The following CISD1 variants were observed in gnomAD, a reference collection of about 807,000 sequenced individuals.
The protein encoded by CISD1 is CDGSH iron sulfur domain 1.
A neutral mutation model predicts 12.0 loss-of-function variants in CISD1; 8 were observed. That is an observed-to-expected ratio of 0.67 (90% confidence interval 0.39 to 1.20). The LOEUF is 1.20. Ranked by LOEUF, CISD1 falls within the 50% of genes most tolerant of loss-of-function variation. The pLI, the probability that CISD1 is intolerant of heterozygous loss-of-function variation, is 0.01. For synonymous variants in CISD1, 38 were observed against 42.2 expected (o/e 0.90, Z 0.39); for missense variants, 107 against 132.7 (o/e 0.81, Z 0.95).
At chr10:58,271,753 G>A (rs1839252108) in intron 1 of CISD1, among the ~76,000 whole-genome samples, 1 of 131,532 alleles carries the variant, frequency 7.6e-6, no homozygotes, top group African/African-American at 3.7e-5. Context: ...ATAAAAGGTA[G>A]TTTATAAAAA....
In CISD1 at chr10:58,269,185, G is replaced by C. The variant is rs1249148018; in HGVS notation, c.-89G>C. 1 of 1,419,878 alleles carries C rather than the reference G, an allele frequency of 7.0e-7. No homozygotes were observed. Among genetic ancestry groups the C allele is most frequent in the Non-Finnish European group, 9.8e-7 (1 of 1,018,592 alleles). The allele number at this position is 1,419,878 out of a possible 1,614,324, so 88.0% of individuals were successfully genotyped here. On this transcript the variant is annotated 5_prime_UTR_variant, in exon 1 of 3. Coordinates refer to ENST00000333926, the MANE Select transcript of CISD1 (RefSeq NM_018464.5). ...GTAGCATCGCGGAGTCGGTGCTTTA[G>C]TACGCCGCTGGCACCTTTACTCTCG...
intron 1 of CISD1, among the ~76,000 whole-genome samples, chr10:58,273,732 A>G (rs757488118): frequency 6.6e-6 from 1 of 152,212 alleles, no homozygotes; most frequent in Non-Finnish European, 1.5e-5. Context: ...TACATTTGTG[A>G]TCTTTAATGG....
Position 58,289,189 on chromosome 10 carries a change from G to A in CISD1, c.*1539G>A, listed in dbSNP as rs1839462419. 6.6e-6 allele frequency: 1 copy of A among 152,078 alleles called. No homozygotes were observed. Among genetic ancestry groups the A allele is most frequent in the Non-Finnish European group, 1.5e-5 (1 of 67,892 alleles). 9.4% of individuals were successfully genotyped at this position (152,078 alleles called of 1,614,324 possible). ...CCTTCTTTTTAAGATAAGTATGCAT[G>A]TCAGCAAAACAGAGCAATCATGCTT... On this transcript the variant is annotated 3_prime_UTR_variant, in exon 3 of 3. Coordinates refer to ENST00000333926, the MANE Select transcript of CISD1 (RefSeq NM_018464.5).
chr10:58,281,762 T>C (rs543537735), intron 2 of CISD1, among the ~76,000 whole-genome samples: 42 of 152,362 alleles, frequency 2.8e-4, no homozygotes, highest in African/African-American at 1.0e-3. Context: ...ATTTCAAATC[T>C]AATTCATTCT....
At chr10:58,271,041 C>CTTTT (rs752640135) in intron 1 of CISD1, among the ~76,000 whole-genome samples, 18 of 112,666 alleles carry the variant, frequency 1.6e-4, no homozygotes, top group South Asian at 5.6e-4. Context: ...GTTGCCATGA[C>CTTTT]TATTTTTTTT....
chr10:58,279,349 G>A (rs560356540), intron 2 of CISD1, among the ~76,000 whole-genome samples: 1 of 151,856 alleles, frequency 6.6e-6, no homozygotes, highest in Non-Finnish European at 1.5e-5. Context: ...AAAACATTTT[G>A]GATTTCAGAT....
intron 1 of CISD1, among the ~76,000 whole-genome samples, chr10:58,276,460 CT>C (rs1839315990): frequency 6.6e-6 from 1 of 151,788 alleles, no homozygotes; most frequent in African/African-American, 2.4e-5. Flanking sequence ...TGAGAAAACA[CT>C]TTGAAATTTT....
At chr10:58,277,456 G>C in intron 2 of CISD1, 134 bp downstream of exon 2, 1 of 650,870 alleles carries the variant, frequency 1.5e-6, no homozygotes, top group South Asian at 2.3e-5. Context: ...GTCTTGCTCT[G>C]TCATCCAGGC....
At chr10:58,275,152 C>T (rs1212182282) in intron 1 of CISD1, among the ~76,000 whole-genome samples, 1 of 152,172 alleles carries the variant, frequency 6.6e-6, no homozygotes, top group Non-Finnish European at 1.5e-5. Flanking sequence ...TATTGCCCCC[C>T]TTTAAGTTTG....
At chr10:58,275,134 T>A (rs555283411) in intron 1 of CISD1, among the ~76,000 whole-genome samples, 13 of 152,346 alleles carry the variant, frequency 8.5e-5, no homozygotes, top group African/African-American at 3.1e-4. Context: ...TATTTTAGTC[T>A]TTTGGGATAT....
rs201057069 is a variant in CISD1, at chr10:58,269,269, G to T, written c.-5G>T. On this transcript the variant is annotated 5_prime_UTR_variant, in exon 1 of 3. Coordinates refer to ENST00000333926, the MANE Select transcript of CISD1 (RefSeq NM_018464.5). ...TAGTGCACACGCCTTGCAAGCGACG[G>T]CGCCATGAGTCTGACTTCCAGTTCC... The T allele has an allele frequency of 1.7e-5, 27 of 1,608,728 alleles. No individual in the cohort carries two copies. The East Asian group carries it at 6.0e-4, about 36-fold the overall frequency.
At chr10:58,283,934 C>T (rs1053885038) in intron 2 of CISD1, among the ~76,000 whole-genome samples, 9 of 151,900 alleles carry the variant, frequency 5.9e-5, no homozygotes, top group Admixed American at 1.3e-4. Context: ...CAATACTACA[C>T]GAACTGAATT....
intron 1 of CISD1, among the ~76,000 whole-genome samples, chr10:58,272,941 G>T (rs1022187406): frequency 1.3e-5 from 2 of 152,116 alleles, no homozygotes; most frequent in Admixed American, 6.5e-5. Context: ...AATAAGGGGG[G>T]AGTTTGGAGC....
At chr10:58,282,143 G>A (rs898222365) in intron 2 of CISD1, among the ~76,000 whole-genome samples, 5 of 152,038 alleles carry the variant, frequency 3.3e-5, no homozygotes, top group African/African-American at 1.2e-4. Flanking sequence ...TGTATTCTTA[G>A]TAGAGACAGG....
At position 58,285,103 on chromosome 10, in the gene CISD1, T is replaced by A. The variant is rs1839414552; in HGVS notation, c.238-2458T>A. On this transcript the variant is annotated intron_variant, in intron 2 of 2. Transcript: ENST00000333926. ...CTTTATGTTTTTGCATCAAGGCTTG[T>A]TTCTAATATGAATATACTGTGTACC... 2.6e-5 allele frequency among the ~76,000 whole-genome samples: 4 copies of A among 152,182 alleles called. No individual in the cohort carries two copies. In the South Asian group the frequency reaches 8.3e-4, roughly 31 times the overall value.
intron 2 of CISD1, among the ~76,000 whole-genome samples, chr10:58,287,331 A>G (rs1460607610): frequency 6.6e-6 from 1 of 152,144 alleles, no homozygotes; most frequent in Non-Finnish European, 1.5e-5. Flanking sequence ...GGCCTTCAAC[A>G]CTCATCACAA....
intron 2 of CISD1, 145 bp from the exon 3 acceptor site, chr10:58,287,416 A>G: frequency 4.0e-6 from 2 of 496,620 alleles, no homozygotes; most frequent in Non-Finnish European, 3.6e-6. Flanking sequence ...TAGCATATGT[A>G]GTTTACATAT....
chr10:58,273,051 T>G (rs572781133), intron 1 of CISD1, among the ~76,000 whole-genome samples: 1 of 152,178 alleles, frequency 6.6e-6, no homozygotes, highest in Non-Finnish European at 1.5e-5. Flanking sequence ...ATAATAAAGT[T>G]TTTTTAAAAC....
chr10:58,273,161 A>G (rs972445176), intron 1 of CISD1, among the ~76,000 whole-genome samples: 7 of 152,206 alleles, frequency 4.6e-5, no homozygotes, highest in Non-Finnish European at 1.0e-4. Context: ...CAGCAGGTTA[A>G]GAAGAAGGTA....
Sources: gnomAD v4.1 joint callset for allele counts (sites outside exome capture counted in the v4.1 genomes callset) on GRCh38, gnomAD v4.1.1 for gene constraint, MANE v1.5 for transcripts, NCBI Gene and HGNC (gene_info 2026-07-23, HGNC 2026-07-21) for gene names.